SMARCD3: variants seen among roughly 807,000 people sequenced by gnomAD.
SMARCD3 encodes the protein SWI/SNF-related matrix-associated actin-dependent regulator of chromatin subfamily D member 3.
In SMARCD3, 14 loss-of-function variants were observed where a neutral mutation model predicts 58.0. The observed-to-expected ratio is 0.24, with a 90% CI of 0.16 to 0.38. The LOEUF is 0.38. SMARCD3 is among the 10% of genes least tolerant of loss of function. The pLI is 1.00. For missense variants in SMARCD3, 408 were observed against 636.9 expected (o/e 0.64, Z 3.87); for synonymous variants, 253 against 253.8 (o/e 1.00, Z 0.03).
chr7:151,259,612 T>TG (rs1225865555), intron 2 of SMARCD3, among the ~76,000 whole-genome samples: 3 of 114,298 alleles, frequency 2.6e-5, no homozygotes, highest in African/African-American at 1.1e-4. Flanking sequence ...TTTTTTTTTT[T>TG]TTTTTTTTTT....
chr7:151,240,004 TTTA>T, intron 10 of SMARCD3, 105 bp downstream of exon 10: 3 of 1,205,266 alleles, frequency 2.5e-6, no homozygotes, highest in Non-Finnish European at 2.3e-6. Flanking sequence ...TTTTTTTTTT[TTTA>T]ATTTAACCCA....
rs371516455 is a variant in SMARCD3 at position 151,239,392 on chromosome 7, A to G, written c.1398+4T>C. The G allele has an allele frequency of 1.2e-6, 2 of 1,605,326 alleles. No homozygotes were observed. Among genetic ancestry groups the G allele is most frequent in the Non-Finnish European group, 1.7e-6 (2 of 1,172,382 alleles). On this transcript the variant is annotated splice_donor_region_variant and intron_variant, in intron 12 of 12. Coordinates refer to ENST00000262188, the MANE Select transcript of SMARCD3 (RefSeq NM_001003801.2). This position sits in a 1 kb window ranked among gnomAD's most constrained non-coding sequence, Gnocchi z 7.0. ...GAAGCCTCAGGGCAAGGGTCCCTGC[A>G]TACCTTGCAGTAGAAGTAGCGACTG...
At chr7:151,249,943 C>CT (rs397830416), upstream of SMARCD3, among the ~76,000 whole-genome samples, 2 of 70,122 alleles carry the variant, frequency 2.9e-5, no homozygotes, top group Non-Finnish European at 2.7e-5. The surrounding 1 kb of genome is among the most constrained non-coding windows in gnomAD (Gnocchi z 4.8). Flanking sequence ...GGGGAGGAGC[C>CT]GTGGGCTTTG....
intron 2 of SMARCD3, among the ~76,000 whole-genome samples, chr7:151,271,835 G>T (rs1268722559): frequency 6.6e-6 from 1 of 152,070 alleles, no homozygotes; most frequent in African/African-American, 2.4e-5. Flanking sequence ...TGTGGCTTAC[G>T]CTTGTAGTCC....
chr7:151,264,769 G>A (rs1050338786), intron 2 of SMARCD3, among the ~76,000 whole-genome samples: 21 of 152,212 alleles, frequency 1.4e-4, no homozygotes, highest in Admixed American at 3.3e-4. Flanking sequence ...TGGTGGTGGC[G>A]GTGGAGGGGG....
Position 151,239,041 on chromosome 7 carries a change from G to T in SMARCD3, c.*62C>A. 6.5e-7 allele frequency: 1 copy of T among 1,531,404 alleles called. No individual in the cohort carries two copies. The highest frequency in any genetic ancestry group is 1.1e-5 in the South Asian group (1 of 89,520). The allele number at this position is 1,531,404 out of a possible 1,614,324, so 94.9% of individuals were successfully genotyped here. On this transcript the variant is annotated 3_prime_UTR_variant, in exon 13 of 13. Coordinates refer to ENST00000262188, the MANE Select transcript of SMARCD3 (RefSeq NM_001003801.2). The surrounding 1 kb of genome is among the most constrained non-coding windows in gnomAD (Gnocchi z 7.0). ...GCAGAGGAGTGATGCTGGAGCCCGG[G>T]GCAAAATGCTGGGGCCCGGGACACG...
At chr7:151,249,166 AG>A (rs1803422096), upstream of SMARCD3, among the ~76,000 whole-genome samples, 1 of 151,950 alleles carries the variant, frequency 6.6e-6, no homozygotes. The surrounding 1 kb of genome is among the most constrained non-coding windows in gnomAD (Gnocchi z 4.8). Flanking sequence ...CAGGCCGAGC[AG>A]GGAAACATTC....
chr7:151,245,255 C>T lies in SMARCD3; in HGVS notation c.290+205G>A, dbSNP rs1384337156. Among the ~76,000 whole-genome samples, 1 of 151,950 alleles carries T rather than the reference C, an allele frequency of 6.6e-6. No homozygotes were observed. Among genetic ancestry groups the T allele is most frequent in the Non-Finnish European group, 1.5e-5 (1 of 68,012 alleles). ...GCGGTACCGGCTGCCGACGCCGCAG[C>T]CTGTCTCTACCGTGGGCACACAAAA... On this transcript the variant is annotated intron_variant, in intron 2 of 12. Transcript: ENST00000262188. The surrounding 1 kb of genome is among the most constrained non-coding windows in gnomAD (Gnocchi z 6.2).
At chr7:151,269,045 G>C (rs926024053) in intron 2 of SMARCD3, among the ~76,000 whole-genome samples, 37 of 152,272 alleles carry the variant, frequency 2.4e-4, no homozygotes, top group African/African-American at 8.4e-4. Flanking sequence ...TCTGAGGTGG[G>C]GGCTGTGATG....
At position 151,240,288 on chromosome 7, in the gene SMARCD3, A is replaced by C. The variant is rs200837062; in HGVS notation, c.1038-41T>G. ...AGCCCTTCGTGTCCACGATGCCCCC[A>C]TACGGCCCCAGGGCCCCGGGGCTGG... On this transcript the variant is annotated intron_variant, in intron 9 of 12. Transcript: ENST00000262188. 2.8e-3 allele frequency: 4,108 copies of C among 1,461,936 alleles called. 8 individuals are homozygous for C. Among genetic ancestry groups the C allele is most frequent in the Non-Finnish European group, 3.4e-3 (3,750 of 1,111,998 alleles). 90.6% of individuals were successfully genotyped at this position (1,461,936 alleles called of 1,614,324 possible).
chr7:151,274,874 C>G (rs1290545595), intron 2 of SMARCD3, among the ~76,000 whole-genome samples: 4 of 152,140 alleles, frequency 2.6e-5, no homozygotes, highest in African/African-American at 9.7e-5. Context: ...CTAAGGACAC[C>G]AGGAGGTGAG....
At chr7:151,256,886 C>A (rs1452543616) in intron 2 of SMARCD3, among the ~76,000 whole-genome samples, 1 of 152,222 alleles carries the variant, frequency 6.6e-6, no homozygotes, top group Non-Finnish European at 1.5e-5. Flanking sequence ...TACAGCCAGC[C>A]GTGCCTCCGT....
At position 151,242,031 on chromosome 7, in the gene SMARCD3, G is replaced by T; in HGVS notation, c.676-53C>A. 1.9e-6 allele frequency: 3 copies of T among 1,554,844 alleles called. No homozygotes were observed. Among genetic ancestry groups the T allele is most frequent in the South Asian group, 1.1e-5 (1 of 89,726 alleles). On this transcript the variant is annotated intron_variant, in intron 6 of 12. Coordinates refer to ENST00000262188, the MANE Select transcript of SMARCD3 (RefSeq NM_001003801.2). This position sits in a 1 kb window ranked among gnomAD's most constrained non-coding sequence, Gnocchi z 4.7. ...CCAAAGGCCCATCTGGAGTGGTGGG[G>T]CCCAGGACTCTAGGGTGGTCCCTGA... is the stretch of plus-strand genomic sequence containing the variant.
Position 151,242,316 on chromosome 7 carries a change from G to T in SMARCD3, c.580-84C>A. The T allele has an allele frequency of 7.2e-7, 1 of 1,390,556 alleles. No individual in the cohort carries two copies. The allele number at this position is 1,390,556 out of a possible 1,614,324, so 86.1% of individuals were successfully genotyped here. On this transcript the variant is annotated intron_variant, in intron 5 of 12. Coordinates refer to ENST00000262188, the MANE Select transcript of SMARCD3 (RefSeq NM_001003801.2). This position sits in a 1 kb window ranked among gnomAD's most constrained non-coding sequence, Gnocchi z 4.7. Reference sequence around the variant, plus strand: ...AGGAGGCCAAGTTGGCAGCCGACAGGGCAGTGGGCTTAGATGAAATCCTCT... The same window carrying T: ...AGGAGGCCAAGTTGGCAGCCGACAGTGCAGTGGGCTTAGATGAAATCCTCT...
chr7:151,240,033 A>G (rs1214765427), intron 10 of SMARCD3, 79 bp downstream of exon 10: 25 of 1,504,512 alleles, frequency 1.7e-5, no homozygotes, highest in Non-Finnish European at 2.2e-5. Flanking sequence ...CTCATCTGCA[A>G]CCACACCCTG....
At chr7:151,265,175 G>A (rs1804042966) in intron 2 of SMARCD3, among the ~76,000 whole-genome samples, 1 of 152,164 alleles carries the variant, frequency 6.6e-6, no homozygotes, top group Non-Finnish European at 1.5e-5. Context: ...ACCTTATTTG[G>A]AGAGAGGGTC....
chr7:151,268,810 C>T (rs6972652), intron 2 of SMARCD3, among the ~76,000 whole-genome samples: 28,404 of 152,048 alleles, frequency 0.19, 3,273 homozygotes, highest in Non-Finnish European at 0.27. Flanking sequence ...CGCTTTGTTG[C>T]CCAGGCTGGT....
At chr7:151,261,697 C>T (rs1053670150) in intron 2 of SMARCD3, among the ~76,000 whole-genome samples, 3 of 152,186 alleles carry the variant, frequency 2.0e-5, no homozygotes, top group African/African-American at 4.8e-5. Context: ...CCTTATCTCC[C>T]GGACTTGGAT....
chr7:151,248,420 G>C lies in SMARCD3; in HGVS notation c.78+65C>G. The C allele has an allele frequency of 2.3e-6, 3 of 1,320,460 alleles. No individual in the cohort carries two copies. The highest frequency in any genetic ancestry group is 3.2e-6 in the Non-Finnish European group (3 of 926,980). 81.8% of individuals were successfully genotyped at this position (1,320,460 alleles called of 1,614,324 possible). ...CGGGAGCGCCCTCCCGGCCCCTCCC[G>C]ATCAGCCCTCCATTCAGCCCGAGCC... is the stretch of plus-strand genomic sequence containing the variant. On this transcript the variant is annotated intron_variant, in intron 1 of 12. Transcript: ENST00000262188. The surrounding 1 kb of genome is among the most constrained non-coding windows in gnomAD (Gnocchi z 6.1).
Sources: gnomAD v4.1 joint callset for allele counts (sites outside exome capture counted in the v4.1 genomes callset) on GRCh38, gnomAD v4.1.1 for gene constraint, Gnocchi (gnomAD v3.1) non-coding constraint, MANE v1.5 for transcripts, NCBI Gene and HGNC (gene_info 2026-07-23, HGNC 2026-07-21) for gene names.